Variants in SYNGR1 observed in about 807,000 individuals in gnomAD.
SYNGR1 encodes synaptogyrin-1.
In SYNGR1, 14 loss-of-function variants were observed where a neutral mutation model predicts 26.1. The observed-to-expected ratio is 0.54, with a 90% confidence interval of 0.35 to 0.84. SYNGR1 has a LOEUF of 0.84. SYNGR1 is among the 40% of genes least tolerant of loss of function. The pLI, the probability that SYNGR1 is intolerant of heterozygous loss-of-function variation, is 0.01. For missense variants in SYNGR1, 319 were observed against 332.9 expected (o/e 0.96, Z 0.33); for synonymous variants, 141 against 150.1 (o/e 0.94, Z 0.44).
At position 39,376,184 on chromosome 22, in the gene SYNGR1, C is replaced by G. The variant is rs1925275077; in HGVS notation, c.470C>G (p.Ser157Cys). The G allele has an allele frequency of 6.2e-7, 1 of 1,614,174 alleles. No homozygotes were observed. The highest frequency in any genetic ancestry group is 8.5e-7 in the Non-Finnish European group (1 of 1,180,042). ...GCCGCCATCGCCTTCTCCTTTTTCT[C>G]CATCTTCACCTGGGTGAGTACAGCC... ...ARAAIAFSFF[S>C]IFTWAGQAVL... is the part of the protein sequence containing the mutation. The change falls in exon 3 of 4, where the codon TCC becomes TGC. Residue 157 changes from serine to cysteine, a missense_variant. Transcript: ENST00000328933.
intron 1 of SYNGR1, among the ~76,000 whole-genome samples, chr22:39,355,839 G>A (rs936499176): frequency 6.6e-6 from 1 of 152,126 alleles, no homozygotes; most frequent in African/African-American, 2.4e-5. Flanking sequence ...CCAACATAGC[G>A]AAACCCTATC....
At chr22:39,361,903 T>TA (rs1555940427) in intron 1 of SYNGR1, among the ~76,000 whole-genome samples, 3 of 151,802 alleles carry the variant, frequency 2.0e-5, no homozygotes, top group African/African-American at 7.3e-5. Context: ...AAGAAGGCCC[T>TA]GGGGGGGTAC....
intron 1 of SYNGR1, among the ~76,000 whole-genome samples, chr22:39,372,891 T>G (rs1282974652): frequency 6.6e-6 from 1 of 152,120 alleles, no homozygotes; most frequent in African/African-American, 2.4e-5. Context: ...TTCCTTGCCA[T>G]GCAGTCTTTC....
intron 1 of SYNGR1, among the ~76,000 whole-genome samples, chr22:39,361,848 C>T (rs1402504266): frequency 1.3e-5 from 2 of 152,074 alleles, no homozygotes; most frequent in Non-Finnish European, 2.9e-5. Flanking sequence ...CCTCTCCCAC[C>T]TCTTCCCTGC....
rs1044896873 is a variant in SYNGR1 at position 39,374,544 on chromosome 22, G to A, written c.328G>A (p.Gly110Ser). 15 of 1,613,034 alleles carry A rather than the reference G, an allele frequency of 9.3e-6. No homozygotes were observed. Among genetic ancestry groups the A allele is most frequent in the Middle Eastern group, 1.6e-4 (1 of 6,082 alleles). Residue 110 changes from glycine to serine, a missense_variant, in exon 2 of 4, where the codon GGT becomes AGT. Gly to Ser is a moderately conservative substitution (Grantham distance 56). Coordinates refer to ENST00000328933, the MANE Select transcript of SYNGR1 (RefSeq NM_004711.5). ...DRKKAVLSDIGVSAFWAFLWF... is the reference protein window; with the variant it reads ...DRKKAVLSDISVSAFWAFLWF... ...CAAGAAAGCCGTCCTGTCCGACATCGGTGTCTCGGGTGAGCCCCACCCAGC... is the reference window on the plus strand; with the variant it reads ...CAAGAAAGCCGTCCTGTCCGACATCAGTGTCTCGGGTGAGCCCCACCCAGC...
chr22:39,370,681 A>G (rs149336677), intron 1 of SYNGR1, among the ~76,000 whole-genome samples: 4,025 of 150,098 alleles, frequency 0.027, 128 homozygotes, highest in African/African-American at 0.073. Context: ...GCAGTGACAC[A>G]ATCTCAGCTC....
intron 1 of SYNGR1, among the ~76,000 whole-genome samples, chr22:39,368,201 C>G (rs1601659645): frequency 6.6e-6 from 1 of 152,218 alleles, no homozygotes; most frequent in African/African-American, 2.4e-5. Context: ...CCCTTCCTTG[C>G]ATGCATGACC....
At chr22:39,361,658 C>G (rs1011918596) in intron 1 of SYNGR1, among the ~76,000 whole-genome samples, 1 of 152,042 alleles carries the variant, frequency 6.6e-6, no homozygotes, top group Admixed American at 6.6e-5. Context: ...TCACGCCCGG[C>G]CAATCCTGCC....
rs1049786522 is a variant in SYNGR1 at position 39,361,357 on chromosome 22, T to C, written c.99+11248T>C. On this transcript the variant is annotated intron_variant, in intron 1 of 3. Transcript: ENST00000328933. ...CAGAACTGGATGGTTAACCCTGCCC[T>C]TTTTTTTTTTTTTTTTTTTGAGACA... is the stretch of plus-strand genomic sequence containing the variant. Among the ~76,000 whole-genome samples the C allele has an allele frequency of 1.5e-4, 9 of 58,926 alleles. No homozygotes were observed. The South Asian group carries it at 2.7e-3, about 18-fold the overall frequency. 38.7% of individuals were successfully genotyped at this position (58,926 alleles called of 152,430 possible).
intron 1 of SYNGR1, among the ~76,000 whole-genome samples, chr22:39,367,484 G>A (rs1344379027): frequency 6.6e-6 from 1 of 152,192 alleles, no homozygotes; most frequent in Non-Finnish European, 1.5e-5. Context: ...CCCAGGAGCG[G>A]TGGGCGGGGC....
chr22:39,362,836 T>TG (rs1460279881), intron 1 of SYNGR1, among the ~76,000 whole-genome samples: 1 of 152,048 alleles, frequency 6.6e-6, no homozygotes, highest in East Asian at 1.9e-4. Flanking sequence ...CCGTGCTGCC[T>TG]GGCCCTCTCT....
At chr22:39,367,114 C>G (rs1215901102) in intron 1 of SYNGR1, among the ~76,000 whole-genome samples, 1 of 152,234 alleles carries the variant, frequency 6.6e-6, no homozygotes, top group Admixed American at 6.5e-5. Context: ...AGTCCGCCTC[C>G]TCTTGCCCTG....
chr22:39,359,153 GC>G (rs1924333697), intron 1 of SYNGR1, among the ~76,000 whole-genome samples: 1 of 152,184 alleles, frequency 6.6e-6, no homozygotes, highest in Non-Finnish European at 1.5e-5. Flanking sequence ...TTCAGTGGGG[GC>G]TGCTTTATCC....
intron 1 of SYNGR1, chr22:39,364,335 G>A (rs1601656636): frequency 1.2e-6 from 2 of 1,613,738 alleles, no homozygotes; most frequent in East Asian, 2.2e-5. Context: ...GAGAGGCAGG[G>A]CCTCTCTGAG....
At chr22:39,365,174 C>G (rs551701166) in intron 1 of SYNGR1, among the ~76,000 whole-genome samples, 1 of 152,262 alleles carries the variant, frequency 6.6e-6, no homozygotes, top group East Asian at 1.9e-4. Flanking sequence ...ATGAATTTTC[C>G]CCAGTGTCTC....
chr22:39,384,427 G>A lies in SYNGR1; in HGVS notation c.*2513G>A. 1 of 398,064 alleles carries A rather than the reference G, an allele frequency of 2.5e-6. No individual in the cohort carries two copies. The highest frequency in any genetic ancestry group is 4.4e-6 in the Non-Finnish European group (1 of 226,032). The allele number at this position is 398,064 out of a possible 1,614,324, so 24.7% of individuals were successfully genotyped here. Reference sequence around the variant, plus strand: ...ACGAAGAATCCCTCACTCTTCCCGGGTTCAGCCCAGAAGCCCTTCCAGGCA... The same window carrying A: ...ACGAAGAATCCCTCACTCTTCCCGGATTCAGCCCAGAAGCCCTTCCAGGCA... On this transcript the variant is annotated 3_prime_UTR_variant, in exon 4 of 4. Transcript: ENST00000328933.
chr22:39,375,960 C>T (rs763446756), intron 2 of SYNGR1, 92 bp from the exon 3 acceptor site: 4 of 1,541,194 alleles, frequency 2.6e-6, no homozygotes, highest in Admixed American at 1.7e-5. Flanking sequence ...TCTTGAATGT[C>T]CCTCTGTTCC....
intron 3 of SYNGR1, chr22:39,378,121 C>A (rs772998913): frequency 1.4e-5 from 16 of 1,166,136 alleles, no homozygotes; most frequent in Admixed American, 4.0e-5. Context: ...CCTCTCCCTT[C>A]ACAGCGGTGT....
chr22:39,356,315 A>G (rs1924142796), intron 1 of SYNGR1, among the ~76,000 whole-genome samples: 1 of 152,176 alleles, frequency 6.6e-6, no homozygotes, highest in Admixed American at 6.5e-5. Context: ...CCGGCCTCCC[A>G]AAGTGCTGGG....
Sources: gnomAD v4.1 joint callset for allele counts (sites outside exome capture counted in the v4.1 genomes callset) on GRCh38, gnomAD v4.1.1 for gene constraint, MANE v1.5 for transcripts, NCBI Gene and HGNC (gene_info 2026-07-23, HGNC 2026-07-21) for gene names.